Variants in BIRC6 observed in about 807,000 individuals in gnomAD.
BIRC6 encodes the protein baculoviral IAP repeat containing 6.
BIRC6 carries 98 observed loss-of-function variants against 503.3 expected under a neutral mutation model. That is an observed-to-expected ratio of 0.19 (90% CI 0.17 to 0.23). The LOEUF (loss-of-function observed/expected upper bound fraction) is 0.23, where lower values mean the gene tolerates loss of function less well. Ranked by LOEUF, BIRC6 falls within the 10% of genes least tolerant of loss-of-function variation. The pLI is 1.00. For synonymous variants in BIRC6, 2,240 were observed against 2,078.7 expected (o/e 1.08, Z -2.11); for missense variants, 5,360 against 5,806.0 (o/e 0.92, Z 2.50).
chr2:32,537,309 A>G (rs1457803539), intron 61 of BIRC6, among the ~76,000 whole-genome samples: 1 of 152,168 alleles, frequency 6.6e-6, no homozygotes, highest in Non-Finnish European at 1.5e-5. Flanking sequence ...CAGAATATAC[A>G]TTCTTTTCAA....
At chr2:32,511,203 T>A (rs2054381863) in intron 53 of BIRC6, among the ~76,000 whole-genome samples, 2 of 32,670 alleles carry the variant, frequency 6.1e-5, no homozygotes, top group Admixed American at 3.0e-4. Flanking sequence ...TTTCTTTTCT[T>A]TTTTTTTTTT....
At chr2:32,585,387 T>G (rs1057288370) in intron 66 of BIRC6, among the ~76,000 whole-genome samples, 34 of 151,786 alleles carry the variant, frequency 2.2e-4, no homozygotes, top group Admixed American at 1.3e-4. Context: ...TTCTTTTGTT[T>G]TTTTTTTTTT....
Position 32,617,828 on chromosome 2 carries a change from G to T in BIRC6, c.14498G>T (p.Gly4833Val). 1 of 1,613,994 alleles carries T rather than the reference G, an allele frequency of 6.2e-7. No homozygotes were observed. Among genetic ancestry groups the T allele is most frequent in the Non-Finnish European group, 8.5e-7 (1 of 1,179,880 alleles). Residue 4833 changes from glycine (G) to valine (V), a missense_variant, in exon 74 of 74, where the codon GGT (glycine) becomes GTT (valine). Gly to Val is a moderately radical substitution (Grantham distance 109, BLOSUM62 -3). Transcript: ENST00000421745. Reference protein sequence around the residue: ...DAPEVCRATTGAEETLMHDQV... With the variant: ...DAPEVCRATTVAEETLMHDQV... Reference sequence around the variant, plus strand: ...CCAGAGGTGTGCAGAGCCACAACAGGTGCTGAGGAGACTCTAATGCATGAT... The same window carrying T: ...CCAGAGGTGTGCAGAGCCACAACAGTTGCTGAGGAGACTCTAATGCATGAT...
At chr2:32,449,607 G>A (rs944603610) in intron 22 of BIRC6, among the ~76,000 whole-genome samples, 6 of 152,050 alleles carry the variant, frequency 3.9e-5, no homozygotes, top group Non-Finnish European at 8.8e-5. Flanking sequence ...ACAGATTAAG[G>A]TAATAACCAG....
chr2:32,603,195 A>G, intron 71 of BIRC6, 112 bp downstream of exon 71: 2 of 693,308 alleles, frequency 2.9e-6, no homozygotes, highest in South Asian at 4.8e-5. Context: ...AAGATAGATT[A>G]CTAGGAAATG....
chr2:32,544,643 C>T (rs1343916610), intron 62 of BIRC6, among the ~76,000 whole-genome samples: 1 of 151,632 alleles, frequency 6.6e-6, no homozygotes, highest in Non-Finnish European at 1.5e-5. Flanking sequence ...AAGTTCTGTA[C>T]TACAAAGTAT....
In BIRC6 at chr2:32,388,912, C is replaced by G. The variant is rs1429958356; in HGVS notation, c.808C>G (p.Leu270Val). 6.2e-7 allele frequency: 1 copy of G among 1,605,200 alleles called. No homozygotes were observed. Among genetic ancestry groups the G allele is most frequent in the African/African-American group, 1.3e-5 (1 of 74,686 alleles). Residue 270 changes from leucine to valine, a missense_variant, in exon 4 of 74, where the codon CTC (leucine) becomes GTC (valine). This residue lies in a region of BIRC6 where 134 missense variants were observed against 150.9 expected (regional missense o/e 0.89). Coordinates refer to ENST00000421745, the MANE Select transcript of BIRC6 (RefSeq NM_016252.4). ...CCTCTTACCTAGTGCACGTCCAGAA[C>G]TCGGAGTGGGGCCAGGCCGTTCTGT... ...SYLLPSARPE[L>V]GVGPGRSVDR...
intron 32 of BIRC6, among the ~76,000 whole-genome samples, chr2:32,471,974 G>C (rs1013716830): frequency 1.6e-4 from 24 of 152,128 alleles, no homozygotes; most frequent in Admixed American, 1.6e-3. Flanking sequence ...TAAGGAATTT[G>C]CTTTATATTG....
intron 21 of BIRC6, among the ~76,000 whole-genome samples, chr2:32,447,326 C>T (rs1399505795): frequency 4.0e-5 from 6 of 150,900 alleles, no homozygotes; most frequent in South Asian, 2.1e-4. Flanking sequence ...CCAGTAGGGG[C>T]GGCCGGGCAG....
chr2:32,528,629 T>A (rs961922809), intron 59 of BIRC6: 2 of 152,222 alleles, frequency 1.3e-5, no homozygotes, highest in Non-Finnish European at 1.5e-5. Context: ...GTATGTCATA[T>A]TTTTACTGTT....
chr2:32,569,238 C>G (rs374664223), intron 65 of BIRC6, among the ~76,000 whole-genome samples: 1 of 152,170 alleles, frequency 6.6e-6, no homozygotes, highest in African/African-American at 2.4e-5. Context: ...ATCTCCCCAC[C>G]TCAGCCTCCC....
At chr2:32,503,823 A>C (rs77390665) in intron 49 of BIRC6, among the ~76,000 whole-genome samples, 4,762 of 152,138 alleles carry the variant, frequency 0.031, 166 homozygotes, top group African/African-American at 0.09. Context: ...TTCTTCCGTA[A>C]GTTTTCTCTT....
intron 35 of BIRC6, among the ~76,000 whole-genome samples, chr2:32,477,892 T>C (rs1245713030): frequency 6.6e-6 from 1 of 152,202 alleles, no homozygotes; most frequent in Non-Finnish European, 1.5e-5. Context: ...AAAAATTCTT[T>C]TCAAATTTTT....
intron 65 of BIRC6, chr2:32,564,230 G>A (rs1447946654): frequency 6.6e-6 from 1 of 152,180 alleles, no homozygotes; most frequent in East Asian, 1.9e-4. Flanking sequence ...CATATAATAT[G>A]TGGTCTTTTT....
chr2:32,552,514 G>A (rs184675917), intron 65 of BIRC6, among the ~76,000 whole-genome samples: 186 of 152,286 alleles, frequency 1.2e-3, no homozygotes, highest in Non-Finnish European at 1.9e-3. Flanking sequence ...AATATTGTTA[G>A]TTGTAAAATT....
Position 32,441,415 on chromosome 2 carries a change from C to A in BIRC6, c.3897C>A (p.Val1299=). The change falls in exon 17 of 74, where the codon GTC becomes GTA. Residue 1299 remains valine, a synonymous_variant. Coordinates refer to ENST00000421745, the MANE Select transcript of BIRC6 (RefSeq NM_016252.4). ...NLRGCDLLQE[V]SVTIRRFKKT... ...GGGGCTGTGATTTACTTCAAGAGGT[C>A]TCAGTCACCATTCGAAGATTTAAGA... The A allele has an allele frequency of 1.2e-6, 2 of 1,610,834 alleles. No homozygotes were observed. Among genetic ancestry groups the A allele is most frequent in the Non-Finnish European group, 1.7e-6 (2 of 1,177,704 alleles).
chr2:32,544,346 A>G (rs2057897383), intron 62 of BIRC6, among the ~76,000 whole-genome samples: 1 of 152,080 alleles, frequency 6.6e-6, no homozygotes, highest in Admixed American at 6.5e-5. Flanking sequence ...ATTAATGATA[A>G]CATAGAATAA....
At chr2:32,497,519 T>G (rs1201120582) in intron 45 of BIRC6, among the ~76,000 whole-genome samples, 1 of 152,200 alleles carries the variant, frequency 6.6e-6, no homozygotes, top group Non-Finnish European at 1.5e-5. Context: ...GCCCCAAAAA[T>G]TTTCAACTTA....
chr2:32,425,495 AATTTTTTGTTGTAGTCAG>A (rs2043389446), intron 10 of BIRC6, among the ~76,000 whole-genome samples: 2 of 124,996 alleles, frequency 1.6e-5, no homozygotes, highest in African/African-American at 6.2e-5. Context: ...AGTGCTTTGT[AATTTTTTGTTGTAGTCAG>A]AACTTTCTGA....
Sources: gnomAD v4.1 joint callset for allele counts (sites outside exome capture counted in the v4.1 genomes callset) on GRCh38, gnomAD v4.1.1 for gene constraint, gnomAD v4.1.1 regional missense constraint, MANE v1.5 for transcripts, NCBI Gene and HGNC (gene_info 2026-07-23, HGNC 2026-07-21) for gene names.